Variants in RAP1GAP observed in about 807,000 individuals in gnomAD.
The protein encoded by RAP1GAP is RAP1 GTPase activating protein.
RAP1GAP carries 35 observed loss-of-function variants against 87.2 expected under a neutral mutation model. That is an observed-to-expected ratio of 0.40 (90% CI 0.31 to 0.53). The LOEUF is 0.53. Among genes scored for constraint, RAP1GAP ranks in the 20% least tolerant of loss-of-function variants. The probability of loss-of-function intolerance (pLI) is 0.48; values close to 1 mark genes in which losing one functional copy is unlikely to be tolerated. For synonymous variants in RAP1GAP, 375 were observed against 363.9 expected, an observed-to-expected ratio of 1.03 and a Z score of -0.35; for missense variants, 734 against 898.9, an observed-to-expected ratio of 0.82 and a Z score of 2.35.
chr1:21,612,541 C>G (rs2079044486), intron 10 of RAP1GAP, among the ~76,000 whole-genome samples: 1 of 152,192 alleles, frequency 6.6e-6, no homozygotes, highest in Non-Finnish European at 1.5e-5. Flanking sequence ...AGTTCTCCTC[C>G]TCACCTTAGG....
Position 21,615,421 on chromosome 1 carries a change from T to G in RAP1GAP, c.292-1332A>C, listed in dbSNP as rs1406168342. On this transcript the variant is annotated intron_variant, in intron 7 of 24. Coordinates refer to ENST00000374765, the MANE Select transcript of RAP1GAP (RefSeq NM_002885.4). This position sits in a 1 kb window ranked among gnomAD's most constrained non-coding sequence, Gnocchi z 4.5. The stretch of plus-strand genomic sequence containing the variant: ...CTTCTTTTTTTTTTGAGATGGAGTC[T>G]TGCTCTGTCGCCCAGGCTGGAGTAC... Among the ~76,000 whole-genome samples the G allele has an allele frequency of 1.3e-5, 2 of 151,918 alleles. No homozygotes were observed. The highest frequency in any genetic ancestry group is 2.9e-5 in the Non-Finnish European group (2 of 67,976).
Position 21,613,562 on chromosome 1 carries a change from G to T in RAP1GAP, c.474+66C>A. 1 of 1,451,128 alleles carries T rather than the reference G, an allele frequency of 6.9e-7. No individual in the cohort carries two copies. Among genetic ancestry groups the T allele is most frequent in the Non-Finnish European group, 9.7e-7 (1 of 1,032,888 alleles). The allele number at this position is 1,451,128 out of a possible 1,614,324, so 89.9% of individuals were successfully genotyped here. A position where few individuals can be genotyped will look rare whatever the true frequency, so the allele number is the denominator to read the frequency against. Reference sequence around the variant, plus strand: ...AGCTGAAGGGGACGCGCCAAGGCAAGCTGAAGCCCCACAGGTGCCCATCTG... The same window carrying T: ...AGCTGAAGGGGACGCGCCAAGGCAATCTGAAGCCCCACAGGTGCCCATCTG... On this transcript the variant is annotated intron_variant, in intron 9 of 24. Coordinates refer to ENST00000374765, the MANE Select transcript of RAP1GAP (RefSeq NM_002885.4). This position sits in a 1 kb window ranked among gnomAD's most constrained non-coding sequence, Gnocchi z 4.7.
In RAP1GAP at chr1:21,603,499, A is replaced by G; in HGVS notation, c.1429-586T>C. On this transcript the variant is annotated intron_variant, in intron 18 of 24. Coordinates refer to ENST00000374765, the MANE Select transcript of RAP1GAP (RefSeq NM_002885.4). The surrounding 1 kb of genome is among the most constrained non-coding windows in gnomAD (Gnocchi z 6.0). ...CGGGGAGGAGGAGTCAGGGCAGAGG[A>G]GAGGGATGGCGCTCCATGCAGACCG... The G allele has an allele frequency of 3.4e-6, 2 of 596,310 alleles. No individual in the cohort carries two copies. 36.9% of individuals were successfully genotyped at this position (596,310 alleles called of 1,614,324 possible).
chr1:21,647,437 C>T (rs1033209414), intron 2 of RAP1GAP, among the ~76,000 whole-genome samples: 23 of 152,246 alleles, frequency 1.5e-4, no homozygotes, highest in Admixed American at 7.2e-4. Flanking sequence ...ACACTACAGC[C>T]TGGGCGACAG....
Position 21,618,036 on chromosome 1 carries a change from G to A in RAP1GAP, c.67-64C>T, listed in dbSNP as rs553467175. The A allele has an allele frequency of 2.2e-5, 35 of 1,604,822 alleles. No homozygotes were observed. In the South Asian group the frequency reaches 2.2e-4, roughly 10 times the overall value. On this transcript the variant is annotated intron_variant, in intron 5 of 24. Transcript: ENST00000374765. ...CCATCCTCCAGTGCCCCCAGAGCTG[G>A]CCTCTGCTTGGCCAGCCTCAGGGCT...
At chr1:21,608,139 C>G (rs1482783354) in intron 17 of RAP1GAP, 74 bp downstream of exon 17, 1 of 1,570,544 alleles carries the variant, frequency 6.4e-7, no homozygotes, top group Non-Finnish European at 8.7e-7. Context: ...GTCCATCAGT[C>G]TATCAGCCTC....
chr1:21,625,301 C>T (rs2091469806), intron 3 of RAP1GAP, among the ~76,000 whole-genome samples: 1 of 152,222 alleles, frequency 6.6e-6, no homozygotes. Flanking sequence ...CTTGGGAAGA[C>T]CACTTTACTT....
At chr1:21,618,902 T>A in intron 5 of RAP1GAP, 123 bp downstream of exon 5, 8 of 1,138,542 alleles carry the variant, frequency 7.0e-6, no homozygotes, top group African/African-American at 6.2e-5. Flanking sequence ...CCCCCGCACC[T>A]GGCACACTGT....
At chr1:21,619,509 G>T (rs2085138280) in intron 4 of RAP1GAP, among the ~76,000 whole-genome samples, 1 of 152,018 alleles carries the variant, frequency 6.6e-6, no homozygotes, top group Non-Finnish European at 1.5e-5. Context: ...AGATCAGAGG[G>T]TATTCAAGGC....
intron 3 of RAP1GAP, among the ~76,000 whole-genome samples, chr1:21,621,490 G>C (rs1312876458): frequency 6.6e-6 from 1 of 152,204 alleles, no homozygotes; most frequent in Non-Finnish European, 1.5e-5. Flanking sequence ...TGCCCATAGA[G>C]GCAAGGCCCA....
chr1:21,611,330 G>A (rs756604449), intron 13 of RAP1GAP, 122 bp downstream of exon 13: 103 of 1,342,002 alleles, frequency 7.7e-5, no homozygotes, highest in Non-Finnish European at 8.9e-5. Flanking sequence ...AAGTGGGGGC[G>A]CTGATCATTT....
chr1:21,601,783 G>A lies in RAP1GAP; in HGVS notation c.1553C>T (p.Ala518Val). 7.5e-6 allele frequency: 12 copies of A among 1,607,878 alleles called. No individual in the cohort carries two copies. The highest frequency in any genetic ancestry group is 1.0e-5 in the Non-Finnish European group (12 of 1,177,194). ...EVQEKRESPP[A>V]GQKTPDSGHV... ...CCCGCTGTCTGGGGTCTTCTGACCA[G>A]CCGGAGGGCTCTCCCTGCGGGGCAC... Residue 518 changes from alanine (A) to valine (V), a missense_variant, in exon 20 of 25, where the codon GCT becomes GTT. Coordinates refer to ENST00000374765, the MANE Select transcript of RAP1GAP (RefSeq NM_002885.4).
chr1:21,619,686 G>GC (rs943016265), intron 4 of RAP1GAP, among the ~76,000 whole-genome samples: 10 of 151,946 alleles, frequency 6.6e-5, no homozygotes, highest in Non-Finnish European at 1.2e-4. Context: ...TTCCACCTGG[G>GC]CCCCCCACCA....
Position 21,634,664 on chromosome 1 carries a change from GCCT to G in RAP1GAP, c.-112-8270_-112-8268del, listed in dbSNP as rs1161696818. On this transcript the variant is annotated intron_variant, in intron 2 of 24. Transcript: ENST00000374765. The surrounding 1 kb of genome is among the most constrained non-coding windows in gnomAD (Gnocchi z 4.1). ...GATCCCGGAGCTGGGCCAGGCAGAG[GCCT>G]CCTGAACAAATAACAGGTTGGCAGC... The G allele has an allele frequency of 3.4e-6, 1 of 290,732 alleles. No individual in the cohort carries two copies. The highest frequency in any genetic ancestry group is 2.2e-5 in the African/African-American group (1 of 44,988). 18.0% of individuals were successfully genotyped at this position (290,732 alleles called of 1,614,324 possible). A position where few individuals can be genotyped will look rare whatever the true frequency, so the allele number is the denominator to read the frequency against.
intron 2 of RAP1GAP, among the ~76,000 whole-genome samples, chr1:21,643,940 A>G (rs945047868): frequency 6.6e-6 from 1 of 152,218 alleles, no homozygotes; most frequent in African/African-American, 2.4e-5. Flanking sequence ...GAGCATCACC[A>G]GGAGATAGGG....
At chr1:21,605,286 C>G (rs556578256) in intron 18 of RAP1GAP, among the ~76,000 whole-genome samples, 1 of 152,126 alleles carries the variant, frequency 6.6e-6, no homozygotes, top group African/African-American at 2.4e-5. Flanking sequence ...GCCAGATTCC[C>G]GACACACAAT....
At position 21,622,384 on chromosome 1, in the gene RAP1GAP, G is replaced by A. The variant is rs1265585322; in HGVS notation, c.-18-2334C>T. On this transcript the variant is annotated intron_variant, in intron 3 of 24. Transcript: ENST00000374765. The surrounding 1 kb of genome is among the most constrained non-coding windows in gnomAD (Gnocchi z 5.7). ...GCAGCGAGCCCCTCCGCGGACGGCC[G>A]GGTGGCACCGCGGGCCGCAGCTGTG... 4.6e-6 allele frequency: 2 copies of A among 430,548 alleles called. No individual in the cohort carries two copies. Among genetic ancestry groups the A allele is most frequent in the East Asian group, 7.8e-5 (2 of 25,532 alleles). The allele number at this position is 430,548 out of a possible 1,614,324, so 26.7% of individuals were successfully genotyped here. A position where few individuals can be genotyped will look rare whatever the true frequency, so the allele number is the denominator to read the frequency against.
At chr1:21,627,029 G>A (rs374521693) in intron 2 of RAP1GAP, 11 of 456,420 alleles carry the variant, frequency 2.4e-5, no homozygotes, top group South Asian at 7.7e-5. Flanking sequence ...GTCTAAGCCC[G>A]GACTCTCTGC....
In RAP1GAP at chr1:21,669,172, C is replaced by T. The variant is rs2097500192; in HGVS notation, c.-149+82G>A. The stretch of plus-strand genomic sequence containing the variant: ...CCGTCCCCGCCCGCCCGCGCGGGGT[C>T]TTCGCTGCGAGCCGACGGGAGTCTG... On this transcript the variant is annotated intron_variant, in intron 1 of 24. Transcript: ENST00000374765. This position sits in a 1 kb window ranked among gnomAD's most constrained non-coding sequence, Gnocchi z 5.6. 1 of 1,207,094 alleles carries T rather than the reference C, an allele frequency of 8.3e-7. No homozygotes were observed. The highest frequency in any genetic ancestry group is 1.0e-6 in the Non-Finnish European group (1 of 954,494). The allele number at this position is 1,207,094 out of a possible 1,614,324, so 74.8% of individuals were successfully genotyped here.
Sources: allele counts gnomAD v4.1 joint callset (sites outside exome capture counted in the v4.1 genomes callset), GRCh38; gene constraint gnomAD v4.1.1; non-coding constraint Gnocchi (gnomAD v3.1); transcripts MANE v1.5; gene names NCBI Gene and HGNC (gene_info 2026-07-23, HGNC 2026-07-21).